BRINP2: variants seen among roughly 807,000 people sequenced by gnomAD.
BRINP2 encodes the protein BMP/retinoic acid-inducible neural-specific protein 2.
A neutral mutation model predicts 69.2 loss-of-function variants in BRINP2; 21 were observed. The observed-to-expected ratio is 0.30, with a 90% CI of 0.22 to 0.44. BRINP2 has a LOEUF of 0.44. BRINP2 is among the 20% of genes least tolerant of loss of function. The probability of loss-of-function intolerance (pLI) is 1.00; values close to 1 mark genes in which losing one functional copy is unlikely to be tolerated. For missense variants in BRINP2, 877 were observed against 986.0 expected, an observed-to-expected ratio of 0.89 and a Z score of 1.48; for synonymous variants, 380 against 394.1, an observed-to-expected ratio of 0.96 and a Z score of 0.42.
intron 2 of BRINP2, among the ~76,000 whole-genome samples, chr1:177,242,564 G>C (rs904878551): frequency 3.3e-5 from 5 of 151,782 alleles, no homozygotes; most frequent in Non-Finnish European, 5.9e-5. Flanking sequence ...AATTATCATC[G>C]CCATATGAAG....
chr1:177,255,818 G>T, intron 2 of BRINP2, 101 bp from the exon 3 acceptor site: 1 of 1,224,696 alleles, frequency 8.2e-7, no homozygotes, highest in South Asian at 1.5e-5. Flanking sequence ...GAGAGGAGAT[G>T]AGTGGCTGCA....
chr1:177,175,293 G>C (rs564752337), intron 1 of BRINP2, among the ~76,000 whole-genome samples: 13 of 152,200 alleles, frequency 8.5e-5, no homozygotes, highest in South Asian at 6.2e-4. Flanking sequence ...AGCGGGGTGG[G>C]GGGGGCAGGA....
At chr1:177,176,427 C>A (rs1648087977) in intron 1 of BRINP2, among the ~76,000 whole-genome samples, 1 of 151,770 alleles carries the variant, frequency 6.6e-6, no homozygotes, top group Admixed American at 6.6e-5. Flanking sequence ...TGAGTTAAAT[C>A]AAATATATTA....
At chr1:177,272,324 C>T (rs1342273057) in intron 4 of BRINP2, among the ~76,000 whole-genome samples, 1 of 152,200 alleles carries the variant, frequency 6.6e-6, no homozygotes, top group Non-Finnish European at 1.5e-5. Flanking sequence ...GGTGTGATCT[C>T]CTGGAGGATG....
chr1:177,173,329 T>G (rs1225817692), intron 1 of BRINP2, among the ~76,000 whole-genome samples: 1 of 152,216 alleles, frequency 6.6e-6, no homozygotes, highest in Non-Finnish European at 1.5e-5. Context: ...ATGTATATTG[T>G]GAAATATTTG....
intron 2 of BRINP2, among the ~76,000 whole-genome samples, chr1:177,253,589 T>A (rs1210988739): frequency 6.6e-6 from 1 of 152,152 alleles, no homozygotes; most frequent in Non-Finnish European, 1.5e-5. Flanking sequence ...GCTTTTGAGT[T>A]CTTATCCAAA....
Position 177,245,356 on chromosome 1 carries a change from T to C in BRINP2, c.270-10563T>C, listed in dbSNP as rs372151849. Among the ~76,000 whole-genome samples, 99 of 152,294 alleles carry C rather than the reference T, an allele frequency of 6.5e-4. 1 individual carries two copies. Among genetic ancestry groups the C allele is most frequent in the African/African-American group, 2.2e-3 (93 of 41,558 alleles). Reference sequence around the variant, plus strand: ...GAAACTGTGTTGAAGGAACTAAAACTATTTAGTCCAAAGAAGAATGGCCTA... The same window carrying C: ...GAAACTGTGTTGAAGGAACTAAAACCATTTAGTCCAAAGAAGAATGGCCTA... On this transcript the variant is annotated intron_variant, in intron 2 of 7. Transcript: ENST00000361539.
chr1:177,256,770 G>A (rs1650775191), intron 3 of BRINP2: 19 of 1,108,588 alleles, frequency 1.7e-5, no homozygotes, highest in Non-Finnish European at 2.1e-5. Context: ...GGCAGGTGTT[G>A]AGTGTTTGAT....
chr1:177,243,107 G>T (rs1303520057), intron 2 of BRINP2, among the ~76,000 whole-genome samples: 1 of 151,754 alleles, frequency 6.6e-6, no homozygotes, highest in Non-Finnish European at 1.5e-5. Flanking sequence ...TTTTGTGAGG[G>T]GTCGCCCATT....
intron 1 of BRINP2, among the ~76,000 whole-genome samples, chr1:177,224,668 C>T (rs1408953598): frequency 6.6e-6 from 1 of 151,760 alleles, no homozygotes; most frequent in Non-Finnish European, 1.5e-5. Context: ...GATAGGTAGA[C>T]CTCAATCTAC....
chr1:177,229,051 G>A (rs1466594949), intron 1 of BRINP2, among the ~76,000 whole-genome samples: 4 of 152,152 alleles, frequency 2.6e-5, no homozygotes, highest in African/African-American at 9.7e-5. Context: ...AAGCTGCATG[G>A]TGAGGTGAGA....
intron 1 of BRINP2, among the ~76,000 whole-genome samples, chr1:177,196,543 G>A (rs1473300768): frequency 5.3e-5 from 8 of 152,030 alleles, no homozygotes; most frequent in South Asian, 2.1e-4. Flanking sequence ...ACTTGAACCC[G>A]GGAGTCAGAG....
At chr1:177,197,492 A>G (rs1648780800) in intron 1 of BRINP2, among the ~76,000 whole-genome samples, 1 of 152,102 alleles carries the variant, frequency 6.6e-6, no homozygotes, top group Admixed American at 6.6e-5. Context: ...ATAGGGTGTG[A>G]CTTTATAAAA....
chr1:177,281,856 T>A lies in BRINP2; in HGVS notation c.*328T>A. 1 of 213,536 alleles carries A rather than the reference T, an allele frequency of 4.7e-6. No individual in the cohort carries two copies. Among genetic ancestry groups the A allele is most frequent in the Non-Finnish European group, 9.2e-6 (1 of 108,390 alleles). The allele number at this position is 213,536 out of a possible 1,614,324, so 13.2% of individuals were successfully genotyped here. A position where few individuals can be genotyped will look rare whatever the true frequency, so the allele number is the denominator to read the frequency against. ...GAAGAGATTAAGAAAAAGAACCAGC[T>A]GAACCATGAAACAAACAAAAATCCT... On this transcript the variant is annotated 3_prime_UTR_variant, in exon 8 of 8. Transcript: ENST00000361539.
chr1:177,269,381 A>G (rs917076873), intron 4 of BRINP2, among the ~76,000 whole-genome samples: 3 of 152,252 alleles, frequency 2.0e-5, no homozygotes, highest in African/African-American at 7.2e-5. Flanking sequence ...TTAGAGCCAC[A>G]AAGAAGGGAA....
At chr1:177,267,752 G>A (rs913752318) in intron 4 of BRINP2, among the ~76,000 whole-genome samples, 2 of 152,182 alleles carry the variant, frequency 1.3e-5, no homozygotes, top group African/African-American at 4.8e-5. Flanking sequence ...TCTGTGGGTG[G>A]TGGAGTTAAA....
intron 1 of BRINP2, among the ~76,000 whole-genome samples, chr1:177,173,885 T>C (rs1398070604): frequency 6.6e-6 from 1 of 152,214 alleles, no homozygotes; most frequent in African/African-American, 2.4e-5. Context: ...TTCTGCTGAC[T>C]GGGATGCTTA....
intron 1 of BRINP2, among the ~76,000 whole-genome samples, chr1:177,220,933 G>A (rs1649510368): frequency 1.3e-5 from 2 of 152,178 alleles, no homozygotes; most frequent in Admixed American, 1.3e-4. Flanking sequence ...GAGCCACACA[G>A]CTTCCAAAAA....
chr1:177,265,118 T>C (rs1651077259), intron 4 of BRINP2, among the ~76,000 whole-genome samples: 1 of 152,044 alleles, frequency 6.6e-6, no homozygotes, highest in South Asian at 2.1e-4. Flanking sequence ...TATAGACCAA[T>C]GGAACAGAAC....
Sources: gnomAD v4.1 joint callset for allele counts (sites outside exome capture counted in the v4.1 genomes callset) on GRCh38, gnomAD v4.1.1 for gene constraint, MANE v1.5 for transcripts, NCBI Gene and HGNC (gene_info 2026-07-23, HGNC 2026-07-21) for gene names.